The following CCDC60 variants were observed in gnomAD, a reference collection of about 807,000 sequenced individuals.
The protein encoded by CCDC60 is coiled-coil domain containing 60.
CCDC60 carries 54 observed loss-of-function variants against 63.5 expected under a neutral mutation model. The observed-to-expected ratio is 0.85, with a 90% CI of 0.68 to 1.07. CCDC60 has a LOEUF of 1.07. Among genes scored for constraint, CCDC60 ranks in the 50% least tolerant of loss-of-function variants. The pLI is 0.00. For missense variants in CCDC60, 651 were observed against 684.3 expected, an observed-to-expected ratio of 0.95 and a Z score of 0.54; for synonymous variants, 206 against 238.8, an observed-to-expected ratio of 0.86 and a Z score of 1.27.
intron 4 of CCDC60, among the ~76,000 whole-genome samples, chr12:119,482,465 A>G (rs901192640): frequency 1.3e-5 from 2 of 152,176 alleles, no homozygotes; most frequent in Admixed American, 1.3e-4. Context: ...CCTTGCAACC[A>G]CTTAACTTTG....
intron 6 of CCDC60, among the ~76,000 whole-genome samples, chr12:119,504,046 C>G (rs1238966514): frequency 6.6e-6 from 1 of 152,110 alleles, no homozygotes; most frequent in Non-Finnish European, 1.5e-5. Flanking sequence ...CTATTCTTCC[C>G]CCTTGTAAAC....
intron 12 of CCDC60, 107 bp from the exon 13 acceptor site, chr12:119,530,766 GC>G: frequency 7.8e-6 from 7 of 898,816 alleles, no homozygotes; most frequent in Non-Finnish European, 1.2e-5. Flanking sequence ...GAATACTGCT[GC>G]CCTGGAGACA....
At chr12:119,438,321 C>CAA (rs1446767633) in intron 2 of CCDC60, among the ~76,000 whole-genome samples, 6 of 152,168 alleles carry the variant, frequency 3.9e-5, no homozygotes, top group Admixed American at 2.0e-4. Flanking sequence ...ATTTAACCAT[C>CAA]AAAAATATTT....
intron 1 of CCDC60, among the ~76,000 whole-genome samples, chr12:119,355,115 G>A (rs2136157999): frequency 6.6e-6 from 1 of 152,214 alleles, no homozygotes; most frequent in East Asian, 1.9e-4. Flanking sequence ...ACAAAATGGA[G>A]ATAAAGACAG....
intron 1 of CCDC60, chr12:119,402,189 T>C (rs1956404446): frequency 6.6e-6 from 1 of 152,212 alleles, no homozygotes; most frequent in African/African-American, 2.4e-5. Flanking sequence ...GGCTTTGTGA[T>C]TATTCTCACC....
At chr12:119,478,369 C>A (rs76344888) in intron 3 of CCDC60, among the ~76,000 whole-genome samples, 1,460 of 119,290 alleles carry the variant, frequency 0.012, 26 homozygotes, top group African/African-American at 0.043. Context: ...CACCCCCCCC[C>A]AAAAAAAATC....
chr12:119,477,960 A>G lies in CCDC60; in HGVS notation c.342-1134A>G, dbSNP rs182772978. Among the ~76,000 whole-genome samples, 131 of 152,134 alleles carry G rather than the reference A, an allele frequency of 8.6e-4. 1 individual carries two copies. The highest frequency in any genetic ancestry group is 3.0e-3 in the African/African-American group (125 of 41,524). On this transcript the variant is annotated intron_variant, in intron 3 of 13. Transcript: ENST00000327554. Reference sequence around the variant, plus strand: ...GGAGAGAGAGAGAGAAAGAGAGAGAAAAAGAGAGTGGATTAATTAAAATAT... The same window carrying G: ...GGAGAGAGAGAGAGAAAGAGAGAGAGAAAGAGAGTGGATTAATTAAAATAT...
intron 4 of CCDC60, among the ~76,000 whole-genome samples, chr12:119,485,213 A>T (rs1951406866): frequency 6.6e-6 from 1 of 152,262 alleles, no homozygotes; most frequent in Non-Finnish European, 1.5e-5. Flanking sequence ...AAAGAAGTTA[A>T]GTAATTTGGC....
At chr12:119,445,109 A>G (rs1950517356) in intron 2 of CCDC60, among the ~76,000 whole-genome samples, 1 of 152,040 alleles carries the variant, frequency 6.6e-6, no homozygotes, top group Admixed American at 6.6e-5. Flanking sequence ...TCTTCCCTAA[A>G]TTTCCCATGA....
rs1370061747 is a variant in CCDC60 at position 119,410,464 on chromosome 12, A to G, written c.91-18219A>G. The stretch of plus-strand genomic sequence containing the variant: ...AGTCCTTCACTGGGCCCTCACCCCT[A>G]AGCTGATTTTGCCGAAATGGCTTCT... On this transcript the variant is annotated intron_variant, in intron 1 of 13. Coordinates refer to ENST00000327554, the MANE Select transcript of CCDC60 (RefSeq NM_178499.5). The surrounding 1 kb of genome is among the most constrained non-coding windows in gnomAD (Gnocchi z 4.0). Among the ~76,000 whole-genome samples the G allele has an allele frequency of 6.6e-6, 1 of 152,144 alleles. No homozygotes were observed. Among genetic ancestry groups the G allele is most frequent in the Non-Finnish European group, 1.5e-5 (1 of 68,016 alleles).
chr12:119,482,109 CACACATATATATACATATATAT>C (rs1265695951), intron 4 of CCDC60, among the ~76,000 whole-genome samples: 3 of 142,218 alleles, frequency 2.1e-5, no homozygotes, highest in East Asian at 2.0e-4. Context: ...CACATATATA[CACACATATATATACATATATAT>C]ACACATATAT....
At chr12:119,408,122 T>G (rs531923498) in intron 1 of CCDC60, among the ~76,000 whole-genome samples, 6 of 152,306 alleles carry the variant, frequency 3.9e-5, no homozygotes, top group African/African-American at 1.4e-4. Context: ...GAAGAGCTAT[T>G]AATTTTGTGA....
chr12:119,417,868 C>G (rs1956731086), intron 1 of CCDC60, among the ~76,000 whole-genome samples: 1 of 152,200 alleles, frequency 6.6e-6, no homozygotes, highest in Non-Finnish European at 1.5e-5. Flanking sequence ...GAAGCCCAGA[C>G]CCTTCCTTTA....
chr12:119,523,860 TG>T (rs1251967402), intron 11 of CCDC60, 42 bp downstream of exon 11: 2 of 1,602,886 alleles, frequency 1.2e-6, no homozygotes, highest in Non-Finnish European at 1.7e-6. Context: ...CAGCATTCAC[TG>T]GGTACCTACT....
At chr12:119,337,560 G>A (rs902578721) in intron 1 of CCDC60, among the ~76,000 whole-genome samples, 5 of 152,114 alleles carry the variant, frequency 3.3e-5, no homozygotes, top group African/African-American at 2.4e-5. Context: ...CACACTTTAG[G>A]TTTTAGTTCT....
chr12:119,470,973 G>A (rs2136325046), intron 2 of CCDC60, among the ~76,000 whole-genome samples: 1 of 152,290 alleles, frequency 6.6e-6, no homozygotes, highest in Non-Finnish European at 1.5e-5. Context: ...AAAATTGATG[G>A]TTGCTTATTA....
intron 1 of CCDC60, among the ~76,000 whole-genome samples, chr12:119,343,052 A>T (rs188516693): frequency 6.6e-6 from 1 of 152,334 alleles, no homozygotes. Flanking sequence ...AAGCCAATTA[A>T]ACCTTTCTTG....
At chr12:119,422,212 G>A (rs1956825758) in intron 1 of CCDC60, among the ~76,000 whole-genome samples, 1 of 152,178 alleles carries the variant, frequency 6.6e-6, no homozygotes, top group African/African-American at 2.4e-5. Context: ...AAGCTCTGAA[G>A]CCAATGGCAC....
chr12:119,386,352 T>C (rs556310954), intron 1 of CCDC60, among the ~76,000 whole-genome samples: 1 of 152,282 alleles, frequency 6.6e-6, no homozygotes, highest in African/African-American at 2.4e-5. Flanking sequence ...GAGGGAAAAA[T>C]AAGTGATACC....
Sources: allele counts gnomAD v4.1 joint callset (sites outside exome capture counted in the v4.1 genomes callset), GRCh38; gene constraint gnomAD v4.1.1; non-coding constraint Gnocchi (gnomAD v3.1); transcripts MANE v1.5; gene names NCBI Gene and HGNC (gene_info 2026-07-23, HGNC 2026-07-21).